Variants in WASHC5 observed in about 807,000 individuals in gnomAD.
WASHC5 encodes WASH complex subunit strumpellin.
In WASHC5, 101 loss-of-function variants were observed where a neutral mutation model predicts 150.4. The ratio of observed to expected loss-of-function variants is 0.67; its 90% CI spans 0.57 to 0.79. The LOEUF is 0.79. Among genes scored for constraint, WASHC5 ranks in the 30% least tolerant of loss-of-function variants. WASHC5 has a pLI of 0.00. For synonymous variants in WASHC5, 467 were observed against 491.2 expected (o/e 0.95, Z 0.65); for missense variants, 1,195 against 1,396.3 (o/e 0.86, Z 2.30).
At chr8:125,084,486 T>C (rs762354937) in intron 1 of WASHC5, among the ~76,000 whole-genome samples, 2 of 152,204 alleles carry the variant, frequency 1.3e-5, no homozygotes, top group Non-Finnish European at 2.9e-5. Context: ...ATGTCCAAGA[T>C]TCCTTTTAAA....
In WASHC5 at chr8:125,039,887, CA is replaced by C; in HGVS notation, c.2861del (p.Met954SerfsTer4). On this transcript the variant is annotated frameshift_variant, in exon 24 of 29. Transcript: ENST00000318410. LOFTEE classifies it high-confidence loss of function. ...TGGCAATCTGTTGTCTCAGAATCTG[CA>C]TCTGCCCAACCTGTGCACAAGCAAG... ...YLEAIMKVGQ[M>X]QILRQQIANE... The C allele has an allele frequency of 1.2e-6, 2 of 1,612,458 alleles. No individual in the cohort carries two copies. Among genetic ancestry groups the C allele is most frequent in the Non-Finnish European group, 1.7e-6 (2 of 1,178,864 alleles).
intron 20 of WASHC5, among the ~76,000 whole-genome samples, chr8:125,045,665 G>T (rs1816045553): frequency 6.6e-6 from 1 of 152,178 alleles, no homozygotes; most frequent in Non-Finnish European, 1.5e-5. Flanking sequence ...GAGCCTAGAA[G>T]CAAGGGAGGT....
At chr8:125,061,531 A>G (rs1816594496) in intron 11 of WASHC5, among the ~76,000 whole-genome samples, 1 of 152,174 alleles carries the variant, frequency 6.6e-6, no homozygotes, top group South Asian at 2.1e-4. Flanking sequence ...AGAAGCGAGG[A>G]AAAGTAAAGA....
chr8:125,079,945 TA>T lies in WASHC5; in HGVS notation c.519-1016del, dbSNP rs200377166. The stretch of plus-strand genomic sequence containing the variant: ...AATGTGAACCTGACATTTTACAAAT[TA>T]AAAAATAATTTAAAAATATTATGTC... On this transcript the variant is annotated intron_variant, in intron 5 of 28. Transcript: ENST00000318410. 5.1e-3 allele frequency among the ~76,000 whole-genome samples: 773 copies of T among 152,326 alleles called. 9 individuals are homozygous for T. Among genetic ancestry groups the T allele is most frequent in the African/African-American group, 0.018 (728 of 41,572 alleles).
At chr8:125,085,428 A>G (rs1422946563) in intron 1 of WASHC5, among the ~76,000 whole-genome samples, 1 of 152,240 alleles carries the variant, frequency 6.6e-6, no homozygotes, top group Non-Finnish European at 1.5e-5. Flanking sequence ...AAGGGCAGAC[A>G]CAGGGTTGAT....
At chr8:125,041,932 C>A (rs1815901144) in intron 23 of WASHC5, among the ~76,000 whole-genome samples, 1 of 152,158 alleles carries the variant, frequency 6.6e-6, no homozygotes, top group Non-Finnish European at 1.5e-5. Context: ...AACCCTGTAT[C>A]TGGCCCATAT....
intron 11 of WASHC5, among the ~76,000 whole-genome samples, chr8:125,062,541 T>C (rs1026337098): frequency 2.0e-5 from 3 of 152,192 alleles, no homozygotes; most frequent in South Asian, 2.1e-4. Context: ...TCAGGTTTCA[T>C]ATCACAATAT....
intron 27 of WASHC5, among the ~76,000 whole-genome samples, chr8:125,030,587 G>A (rs1273327749): frequency 2.1e-5 from 3 of 140,344 alleles, no homozygotes; most frequent in East Asian, 2.2e-4. Flanking sequence ...CTGCAAAGCC[G>A]AGATCACGCC....
chr8:125,065,847 C>T (rs1348697483), intron 10 of WASHC5, among the ~76,000 whole-genome samples: 1 of 152,054 alleles, frequency 6.6e-6, no homozygotes. Context: ...GAACTCCTGA[C>T]CTCAGGTGAT....
At chr8:125,043,659 G>A (rs889722953) in intron 23 of WASHC5, among the ~76,000 whole-genome samples, 166 bp downstream of exon 23, 1 of 152,072 alleles carries the variant, frequency 6.6e-6, no homozygotes, top group Non-Finnish European at 1.5e-5. Context: ...ATCCAGAAAC[G>A]GAGATAAACA....
rs1486049982 is a variant in WASHC5, at chr8:125,057,663, C to G, written c.1768G>C (p.Ala590Pro). 1 of 1,600,768 alleles carries G rather than the reference C, an allele frequency of 6.2e-7. No individual in the cohort carries two copies. Among genetic ancestry groups the G allele is most frequent in the Non-Finnish European group, 8.6e-7 (1 of 1,168,346 alleles). The change falls in exon 15 of 29, where the codon GCC becomes CCC. Residue 590 changes from alanine to proline, a missense_variant. Physicochemically the swap from Ala to Pro is conservative, Grantham distance 27. Transcript: ENST00000318410. ...TKLRATFLKL[A>P]SALDLPLLRI... is the part of the protein sequence containing the mutation. The stretch of plus-strand genomic sequence containing the variant: ...AGAAGGGGCAGATCGAGGGCAGAGG[C>G]AAGCTGGAAGAAAAATAAGGTATAT...
intron 23 of WASHC5, 123 bp downstream of exon 23, chr8:125,043,702 A>G (rs1382371094): frequency 1.4e-6 from 1 of 718,096 alleles, no homozygotes; most frequent in East Asian, 2.7e-5. Flanking sequence ...CTGAAGTATT[A>G]AAATATTTTT....
At position 125,079,141 on chromosome 8, in the gene WASHC5, C is replaced by T. The variant is rs867051027; in HGVS notation, c.519-211G>A. On this transcript the variant is annotated intron_variant, in intron 5 of 28. Coordinates refer to ENST00000318410, the MANE Select transcript of WASHC5 (RefSeq NM_014846.4). ...GTATATATATATATATATATATATACATTTTTTTTTGAGATGGAGTCTCGC... is the reference window on the plus strand; with the variant it reads ...GTATATATATATATATATATATATATATTTTTTTTTGAGATGGAGTCTCGC... Among the ~76,000 whole-genome samples the T allele has an allele frequency of 0.069, 3,413 of 49,534 alleles. 113 individuals carry two copies. Among genetic ancestry groups the T allele is most frequent in the South Asian group, 0.14 (207 of 1,528 alleles). The allele number at this position is 49,534 out of a possible 152,430, so 32.5% of individuals were successfully genotyped here.
Position 125,057,544 on chromosome 8 carries a change from T to G in WASHC5, c.1875+12A>C. ...CTGGCAAGAGTAAATATCACCCTGATGCATTTCTTACTTTTCTCACATAGG... is the reference window on the plus strand; with the variant it reads ...CTGGCAAGAGTAAATATCACCCTGAGGCATTTCTTACTTTTCTCACATAGG... On this transcript the variant is annotated intron_variant, in intron 15 of 28. Coordinates refer to ENST00000318410, the MANE Select transcript of WASHC5 (RefSeq NM_014846.4). 6.6e-7 allele frequency: 1 copy of G among 1,513,584 alleles called. No homozygotes were observed. The highest frequency in any genetic ancestry group is 1.4e-5 in the African/African-American group (1 of 73,042). 93.8% of individuals were successfully genotyped at this position (1,513,584 alleles called of 1,614,324 possible).
At chr8:125,030,051 G>A (rs994834625) in intron 27 of WASHC5, among the ~76,000 whole-genome samples, 1 of 152,198 alleles carries the variant, frequency 6.6e-6, no homozygotes, top group Non-Finnish European at 1.5e-5. Context: ...GTCTCCTGTA[G>A]CCTGATCACC....
intron 4 of WASHC5, 96 bp downstream of exon 4, chr8:125,082,287 A>G (rs1331914882): frequency 1.3e-6 from 1 of 743,076 alleles, no homozygotes; most frequent in African/African-American, 1.8e-5. Context: ...CTCTTTAAAG[A>G]ATGGTATTTC....
At chr8:125,046,235 A>G (rs1158358123) in intron 20 of WASHC5, among the ~76,000 whole-genome samples, 3 of 152,164 alleles carry the variant, frequency 2.0e-5, no homozygotes, top group Non-Finnish European at 2.9e-5. Flanking sequence ...GGTGGACATG[A>G]GAACCTGCTC....
chr8:125,075,325 C>A (rs1217324880), intron 7 of WASHC5, among the ~76,000 whole-genome samples: 2 of 152,126 alleles, frequency 1.3e-5, no homozygotes, highest in Non-Finnish European at 1.5e-5. Flanking sequence ...GATCTCTTTA[C>A]ACCTATTAAC....
chr8:125,090,110 AAAG>A (rs1327310970), intron 1 of WASHC5, among the ~76,000 whole-genome samples: 6 of 152,238 alleles, frequency 3.9e-5, no homozygotes, highest in Non-Finnish European at 8.8e-5. Flanking sequence ...AGATTAGCTG[AAAG>A]AAGGAAATCA....
Sources: allele counts gnomAD v4.1 joint callset (sites outside exome capture counted in the v4.1 genomes callset), GRCh38; gene constraint gnomAD v4.1.1; transcripts MANE v1.5; gene names NCBI Gene and HGNC (gene_info 2026-07-23, HGNC 2026-07-21).